SLC38A12: variants seen among roughly 807,000 people sequenced by gnomAD.
SLC38A12 encodes putative sodium-coupled neutral amino acid transporter 12.
the SLC38A12 span, among the ~76,000 whole-genome samples, chr17:74,798,933 C>G: frequency 6.6e-6 from 1 of 152,186 alleles, no homozygotes. Flanking sequence ...CATGAAGGAG[C>G]CAGGGACCCC....
the SLC38A12 span, chr17:74,838,802 C>T: frequency 2.0e-6 from 3 of 1,502,646 alleles, no homozygotes; most frequent in Non-Finnish European, 2.7e-6. Flanking sequence ...GATGCTGGCT[C>T]TCCACGTGCA....
chr17:74,812,608 T>A, the SLC38A12 span, among the ~76,000 whole-genome samples: 1 of 151,374 alleles, frequency 6.6e-6, no homozygotes, highest in African/African-American at 2.4e-5. Flanking sequence ...TCGCTTGAAA[T>A]AACCTCCAGG....
chr17:74,820,630 G>C, the SLC38A12 span, among the ~76,000 whole-genome samples: 74 of 152,306 alleles, frequency 4.9e-4, no homozygotes, highest in Non-Finnish European at 3.8e-4. Context: ...GGCTGTTGCT[G>C]TTCTGAGAGA....
the SLC38A12 span, chr17:74,839,248 C>A: frequency 7.4e-7 from 1 of 1,358,770 alleles, no homozygotes; most frequent in Non-Finnish European, 9.8e-7. Flanking sequence ...CCATGACGGG[C>A]CCCTAGCCAC....
the SLC38A12 span, among the ~76,000 whole-genome samples, chr17:74,831,010 A>G: frequency 6.6e-6 from 1 of 151,980 alleles, no homozygotes; most frequent in Non-Finnish European, 1.5e-5. Context: ...CCTCGTCTCT[A>G]CCCCGCATTG....
the SLC38A12 span, among the ~76,000 whole-genome samples, chr17:74,793,995 C>T: frequency 8.5e-5 from 13 of 152,204 alleles, no homozygotes; most frequent in Non-Finnish European, 1.6e-4. Context: ...ACTGTCACTT[C>T]ATTTTTCTTT....
At chr17:74,824,160 C>T in the SLC38A12 span, among the ~76,000 whole-genome samples, 5 of 152,328 alleles carry the variant, frequency 3.3e-5, no homozygotes, top group East Asian at 9.7e-4. Context: ...CAGGTTTGCT[C>T]TGGGCAGCCT....
chr17:74,805,127 C>T, the SLC38A12 span, among the ~76,000 whole-genome samples: 124 of 152,336 alleles, frequency 8.1e-4, 1 homozygote, highest in Middle Eastern at 3.4e-3. The surrounding 1 kb of genome is among the most constrained non-coding windows in gnomAD (Gnocchi z 5.0). Context: ...ATCCTGCTGG[C>T]GCAGATCTGT....
the SLC38A12 span, chr17:74,837,108 TTG>T: frequency 4.0e-6 from 4 of 993,868 alleles, no homozygotes; most frequent in Non-Finnish European, 4.8e-6. Flanking sequence ...TCCTGCGTCC[TTG>T]TCTAAGAAAC....
At chr17:74,776,663 C>G in the SLC38A12 span, 2 of 151,588 alleles carry the variant, frequency 1.3e-5, no homozygotes, top group Non-Finnish European at 2.9e-5. Flanking sequence ...GCACTAGACT[C>G]GGGACTCCTC....
At chr17:74,812,504 C>T in the SLC38A12 span, among the ~76,000 whole-genome samples, 1 of 152,188 alleles carries the variant, frequency 6.6e-6, no homozygotes, top group Non-Finnish European at 1.5e-5. Context: ...CATTTAGGGA[C>T]GGGCTCATGC....
the SLC38A12 span, among the ~76,000 whole-genome samples, chr17:74,829,184 C>T: frequency 4.6e-5 from 7 of 152,076 alleles, no homozygotes; most frequent in Non-Finnish European, 1.0e-4. This position sits in a 1 kb window ranked among gnomAD's most constrained non-coding sequence, Gnocchi z 4.1. Flanking sequence ...AGTGCAGTGG[C>T]GCGATCTCAG....
chr17:74,782,855 C>T, the SLC38A12 span, among the ~76,000 whole-genome samples: 1 of 152,124 alleles, frequency 6.6e-6, no homozygotes, highest in African/African-American at 2.4e-5. Flanking sequence ...GAGGGCTGGG[C>T]GTGTTGGCTC....
At chr17:74,797,859 C>G in the SLC38A12 span, among the ~76,000 whole-genome samples, 1 of 152,302 alleles carries the variant, frequency 6.6e-6, no homozygotes, top group African/African-American at 2.4e-5. Context: ...AGGTCTTATC[C>G]CTGTGCGTCT....
chr17:74,838,554 T>C, the SLC38A12 span: 2 of 1,152,538 alleles, frequency 1.7e-6, no homozygotes, highest in Non-Finnish European at 2.1e-6. Context: ...CGCCCAGCCA[T>C]GGAGTCGGTG....
At chr17:74,790,017 A>ATG in the SLC38A12 span, among the ~76,000 whole-genome samples, 1 of 149,974 alleles carries the variant, frequency 6.7e-6, no homozygotes, top group East Asian at 1.9e-4. Context: ...GCAGTGTTGC[A>ATG]ATCACGGCTC....
chr17:74,829,537 C>T, the SLC38A12 span, among the ~76,000 whole-genome samples: 1 of 152,170 alleles, frequency 6.6e-6, no homozygotes, highest in Middle Eastern at 3.2e-3. The surrounding 1 kb of genome is among the most constrained non-coding windows in gnomAD (Gnocchi z 4.1). Flanking sequence ...CTGTCAGAGC[C>T]CAATGGGTTT....
At chr17:74,780,856 A>G in the SLC38A12 span, among the ~76,000 whole-genome samples, 1 of 152,182 alleles carries the variant, frequency 6.6e-6, no homozygotes, top group Non-Finnish European at 1.5e-5. Flanking sequence ...TCTGCTCCCA[A>G]CTGCCAATAG....
At chr17:74,804,876 G>A in the SLC38A12 span, among the ~76,000 whole-genome samples, 1 of 152,376 alleles carries the variant, frequency 6.6e-6, no homozygotes, top group East Asian at 1.9e-4. Context: ...CACCTGAGAG[G>A]CAGGTGAACA....
Sources: gnomAD v4.1 joint callset for allele counts (sites outside exome capture counted in the v4.1 genomes callset) on GRCh38, gnomAD v4.1.1 for gene constraint, Gnocchi (gnomAD v3.1) non-coding constraint, MANE v1.5 for transcripts, NCBI Gene and HGNC (gene_info 2026-07-23, HGNC 2026-07-21) for gene names.